KLRG1: variants seen among roughly 807,000 people sequenced by gnomAD.
KLRG1 encodes killer cell lectin-like receptor subfamily G member 1.
A neutral mutation model predicts 21.8 loss-of-function variants in KLRG1; 16 were observed. The observed-to-expected ratio is 0.73, with a 90% CI of 0.50 to 1.11. KLRG1 has a LOEUF of 1.11. Ranked by LOEUF, KLRG1 falls within the 50% of genes most tolerant of loss-of-function variation. The pLI is 0.00. For synonymous variants in KLRG1, 69 were observed against 75.9 expected (o/e 0.91, Z 0.47); for missense variants, 173 against 218.3 (o/e 0.79, Z 1.31).
At chr12:9,094,071 G>T in the KLRG1 span, among the ~76,000 whole-genome samples, 1 of 152,068 alleles carries the variant, frequency 6.6e-6, no homozygotes, top group Non-Finnish European at 1.5e-5. Context: ...GCTAAGTGGA[G>T]AGTGTTATGA....
intron 1 of KLRG1, among the ~76,000 whole-genome samples, chr12:8,984,506 C>T (rs1015984674): frequency 3.3e-5 from 5 of 152,112 alleles, no homozygotes; most frequent in African/African-American, 1.2e-4. Context: ...CACCTGCCCC[C>T]GCCTCCCAAA....
intron 1 of KLRG1, among the ~76,000 whole-genome samples, chr12:8,955,041 C>T (rs768609417): frequency 1.8e-4 from 28 of 151,974 alleles, no homozygotes; most frequent in African/African-American, 6.0e-4. Flanking sequence ...CTCAGCCTCC[C>T]GAGTAGCTGG....
the KLRG1 span, chr12:9,196,522 T>C: frequency 1.8e-5 from 29 of 1,572,178 alleles, no homozygotes; most frequent in Non-Finnish European, 2.1e-5. Context: ...TATTTTGTTA[T>C]GGAAAGTAAA....
chr12:8,988,045 C>A (rs2137313693), upstream of KLRG1, among the ~76,000 whole-genome samples: 1 of 152,328 alleles, frequency 6.6e-6, no homozygotes, highest in Admixed American at 6.5e-5. Context: ...CCTGCAGGAA[C>A]TATCTCAGCT....
intron 1 of KLRG1, among the ~76,000 whole-genome samples, chr12:8,953,428 A>C (rs1023905144): frequency 6.6e-6 from 1 of 152,234 alleles, no homozygotes; most frequent in African/African-American, 2.4e-5. Context: ...AGGAAAGGGT[A>C]GGTGTATATA....
At chr12:9,069,681 C>T in the KLRG1 span, 2 of 1,291,044 alleles carry the variant, frequency 1.5e-6, no homozygotes, top group African/African-American at 2.9e-5. Context: ...ATTTACCTTC[C>T]CAGATGTTCC....
chr12:9,166,066 C>T, the KLRG1 span: 1 of 1,607,396 alleles, frequency 6.2e-7, no homozygotes, highest in Admixed American at 1.7e-5. Flanking sequence ...CTGCCACCAA[C>T]TCCCAGATCC....
intron 3 of KLRG1, among the ~76,000 whole-genome samples, chr12:9,006,058 G>A (rs774677634): frequency 1.3e-5 from 2 of 152,166 alleles, no homozygotes; most frequent in Non-Finnish European, 2.9e-5. Flanking sequence ...ACCATTTATT[G>A]TATATTTTCA....
At chr12:9,090,403 G>T in the KLRG1 span, 1 of 1,614,014 alleles carries the variant, frequency 6.2e-7, no homozygotes, top group Non-Finnish European at 8.5e-7. Flanking sequence ...CCGCCCGTTT[G>T]CACAGATGCA....
chr12:8,994,095 T>TG (rs1278396309), intron 2 of KLRG1, among the ~76,000 whole-genome samples: 2 of 152,144 alleles, frequency 1.3e-5, no homozygotes, highest in Non-Finnish European at 2.9e-5. Flanking sequence ...GACAGTGTCT[T>TG]GCTCTGTCGC....
chr12:9,009,276 C>A, intron 4 of KLRG1, 150 bp from the exon 5 acceptor site: 1 of 1,020,902 alleles, frequency 9.8e-7, no homozygotes, highest in Non-Finnish European at 1.4e-6. Context: ...TAAAGAGAGG[C>A]TGATGAACAA....
chr12:9,161,188 G>A, the KLRG1 span: 2 of 1,282,398 alleles, frequency 1.6e-6, no homozygotes, highest in Non-Finnish European at 2.2e-6. Flanking sequence ...TTATAATGTA[G>A]TGAGAGCTTC....
chr12:9,070,739 A>C, the KLRG1 span, among the ~76,000 whole-genome samples: 1 of 152,186 alleles, frequency 6.6e-6, no homozygotes. Context: ...TAGAATTTTT[A>C]GGAAGCCTGT....
At chr12:9,021,843 C>T in the KLRG1 span, among the ~76,000 whole-genome samples, 1 of 152,204 alleles carries the variant, frequency 6.6e-6, no homozygotes, top group Admixed American at 6.5e-5. Flanking sequence ...GAGCTGACAC[C>T]TGCTATTATA....
the KLRG1 span, among the ~76,000 whole-genome samples, chr12:9,172,642 A>G: frequency 6.6e-6 from 1 of 152,298 alleles, no homozygotes; most frequent in African/African-American, 2.4e-5. Flanking sequence ...ATGGAGGAAA[A>G]TTTACCAAGC....
At chr12:9,099,058 A>G in the KLRG1 span, among the ~76,000 whole-genome samples, 1 of 152,214 alleles carries the variant, frequency 6.6e-6, no homozygotes, top group Non-Finnish European at 1.5e-5. Flanking sequence ...GCATGGGTCT[A>G]GGTGCTCTTG....
At chr12:9,168,232 C>T in the KLRG1 span, among the ~76,000 whole-genome samples, 44 of 152,234 alleles carry the variant, frequency 2.9e-4, no homozygotes, top group African/African-American at 1.1e-3. Context: ...ATATGACACA[C>T]CCACTTCACA....
the KLRG1 span, chr12:9,068,950 GCACA>G: frequency 2.9e-6 from 2 of 690,290 alleles, no homozygotes; most frequent in African/African-American, 1.8e-5. Flanking sequence ...TTATCCTACA[GCACA>G]CTATAGGGTC....
At chr12:8,980,127 C>T (rs1326693125) in intron 1 of KLRG1, among the ~76,000 whole-genome samples, 1 of 152,094 alleles carries the variant, frequency 6.6e-6, no homozygotes, top group African/African-American at 2.4e-5. Context: ...TCTCAAATTC[C>T]TTACCTCAGG....
Sources: gnomAD v4.1 joint callset for allele counts (sites outside exome capture counted in the v4.1 genomes callset) on GRCh38, gnomAD v4.1.1 for gene constraint, MANE v1.5 for transcripts, NCBI Gene and HGNC (gene_info 2026-07-23, HGNC 2026-07-21) for gene names.